PCDHGA4: variants seen among roughly 807,000 people sequenced by gnomAD.
The protein encoded by PCDHGA4 is protocadherin gamma-A4.
Under a neutral mutation model 54.6 loss-of-function variants are expected in PCDHGA4, and 38 were observed. That is an observed-to-expected ratio of 0.70 (90% CI 0.54 to 0.91). The LOEUF (loss-of-function observed/expected upper bound fraction) is 0.91, where lower values mean the gene tolerates loss of function less well. Among genes scored for constraint, PCDHGA4 ranks in the 40% least tolerant of loss-of-function variants. The pLI is 0.00. For synonymous variants in PCDHGA4, 511 were observed against 512.9 expected, an observed-to-expected ratio of 1.00 and a Z score of 0.05; for missense variants, 1,298 against 1,220.9, an observed-to-expected ratio of 1.06 and a Z score of -0.94.
chr5:141,367,301 G>C (rs1765044425), intron 1 of PCDHGA4: 1 of 152,822 alleles, frequency 6.5e-6, no homozygotes, highest in African/African-American at 2.4e-5. Flanking sequence ...CACTTTGGGA[G>C]GCTGAGGTGG....
chr5:141,417,599 C>G (rs1036283292), intron 1 of PCDHGA4: 4 of 500,492 alleles, frequency 8.0e-6, no homozygotes, highest in African/African-American at 7.8e-5. Flanking sequence ...CTCTGGGCGC[C>G]GCCGTCGGCC....
chr5:141,362,023 C>G (rs773499284), intron 1 of PCDHGA4: 2 of 1,607,808 alleles, frequency 1.2e-6, no homozygotes. Context: ...GCGCACAGCG[C>G]GTGCCTTGGG....
intron 1 of PCDHGA4, among the ~76,000 whole-genome samples, chr5:141,472,273 G>A (rs2099275685): frequency 6.6e-6 from 1 of 152,170 alleles, no homozygotes; most frequent in South Asian, 2.1e-4. Context: ...CGGGCACAGT[G>A]GCTCACACCT....
intron 1 of PCDHGA4, chr5:141,384,751 G>T (rs1403362361): frequency 1.2e-6 from 2 of 1,614,050 alleles, no homozygotes; most frequent in East Asian, 4.5e-5. Flanking sequence ...AGGACTCTTT[G>T]CGGTTGGGCT....
rs2099725414 is a variant in PCDHGA4, at chr5:141,491,703, GA to G, written c.2515-3103del. On this transcript the variant is annotated intron_variant, in intron 1 of 3. Coordinates refer to ENST00000571252, the MANE Select transcript of PCDHGA4 (RefSeq NM_018917.4). The surrounding 1 kb of genome is among the most constrained non-coding windows in gnomAD (Gnocchi z 6.9). ...ATACGCTGCGGGAGCGGAGCCAGGT[GA>G]GGGGCTCGGCGCCGCCCCGGGCGAC... is the stretch of plus-strand genomic sequence containing the variant. The G allele has an allele frequency of 3.7e-6, 6 of 1,611,396 alleles. No homozygotes were observed.
intron 1 of PCDHGA4, among the ~76,000 whole-genome samples, chr5:141,435,232 G>A (rs1317217213): frequency 6.6e-6 from 1 of 152,062 alleles, no homozygotes; most frequent in Non-Finnish European, 1.5e-5. Context: ...TCAAAGTTCA[G>A]TAATTCTTTC....
intron 1 of PCDHGA4, chr5:141,433,309 T>C: frequency 1.1e-6 from 1 of 901,134 alleles, no homozygotes; most frequent in Admixed American, 2.7e-5. Context: ...TTATCCCACC[T>C]TTGCCTCCGG....
chr5:141,467,055 C>CTTTTT (rs1193465269), intron 1 of PCDHGA4, among the ~76,000 whole-genome samples: 1 of 134,496 alleles, frequency 7.4e-6, no homozygotes, highest in Non-Finnish European at 1.6e-5. Context: ...TCAATGTTTT[C>CTTTTT]TTTTTTTTTT....
Position 141,443,643 on chromosome 5 carries a change from A to C in PCDHGA4, c.2515-51164A>C, listed in dbSNP as rs188777289. The stretch of plus-strand genomic sequence containing the variant: ...GTGATTGTAAAAATTGATCCAGATA[A>C]TGTTAGCATAGCATTTTACTGAACT... On this transcript the variant is annotated intron_variant, in intron 1 of 3. Coordinates refer to ENST00000571252, the MANE Select transcript of PCDHGA4 (RefSeq NM_018917.4). Among the ~76,000 whole-genome samples, 238 of 152,370 alleles carry C rather than the reference A, an allele frequency of 1.6e-3. 2 individuals are homozygous for C. The highest frequency in any genetic ancestry group is 2.5e-3 in the Non-Finnish European group (169 of 68,028).
chr5:141,449,916 T>C (rs1453191109), intron 1 of PCDHGA4, among the ~76,000 whole-genome samples: 1 of 151,912 alleles, frequency 6.6e-6, no homozygotes, highest in East Asian at 1.9e-4. Context: ...CATATTTAAA[T>C]TCTACCATAC....
At chr5:141,393,542 T>A in intron 1 of PCDHGA4, 3 of 1,613,964 alleles carry the variant, frequency 1.9e-6, no homozygotes, top group Non-Finnish European at 2.5e-6. Flanking sequence ...CGGTTTTTCC[T>A]CACCCGATTT....
Position 141,372,655 on chromosome 5 carries a change from C to T in PCDHGA4, c.2514+15034C>T, listed in dbSNP as rs1424749894. 2.5e-6 allele frequency: 4 copies of T among 1,613,986 alleles called. No homozygotes were observed. The South Asian group carries it at 3.3e-5, about 13-fold the overall frequency. ...AGGACTTTGCCTTATTCCTACAATC[C>T]GTGTGCTGCCTCACATTCCTCAAAC... On this transcript the variant is annotated intron_variant, in intron 1 of 3. Coordinates refer to ENST00000571252, the MANE Select transcript of PCDHGA4 (RefSeq NM_018917.4).
At chr5:141,423,091 G>C (rs1243671863) in intron 1 of PCDHGA4, 11 of 1,613,908 alleles carry the variant, frequency 6.8e-6, no homozygotes, top group South Asian at 2.2e-5. Context: ...CGCGGTGGGG[G>C]AGCACACGGG....
intron 1 of PCDHGA4, chr5:141,364,306 G>A (rs760708821): frequency 2.6e-6 from 4 of 1,522,568 alleles, no homozygotes; most frequent in East Asian, 4.5e-5. Flanking sequence ...CCAGAACTAA[G>A]AGAAAATTGG....
chr5:141,510,898 T>G (rs1393880610), intron 3 of PCDHGA4, 49 bp from the exon 4 acceptor site: 1 of 1,613,278 alleles, frequency 6.2e-7, no homozygotes, highest in East Asian at 2.2e-5. Context: ...ACAGTGACTG[T>G]TGAGGACCCT....
In PCDHGA4 at chr5:141,432,808, C is replaced by G. The variant is rs1473886709; in HGVS notation, c.2515-61999C>G. ...TCGGCAGCCTCGAGTCTCCAGCTAA[C>G]TCTGAAACCTCAGACCTCACTCTGT... is the stretch of plus-strand genomic sequence containing the variant. On this transcript the variant is annotated intron_variant, in intron 1 of 3. Coordinates refer to ENST00000571252, the MANE Select transcript of PCDHGA4 (RefSeq NM_018917.4). This position sits in a 1 kb window ranked among gnomAD's most constrained non-coding sequence, Gnocchi z 6.0. 2 of 1,613,486 alleles carry G rather than the reference C, an allele frequency of 1.2e-6. No individual in the cohort carries two copies. Among genetic ancestry groups the G allele is most frequent in the Non-Finnish European group, 1.7e-6 (2 of 1,180,008 alleles).
intron 1 of PCDHGA4, chr5:141,399,525 C>G: frequency 6.2e-7 from 1 of 1,614,058 alleles, no homozygotes; most frequent in Non-Finnish European, 8.5e-7. Flanking sequence ...CTGGGGCCTC[C>G]ATCGCGCAAG....
rs201394036 is a variant in PCDHGA4 at position 141,385,181 on chromosome 5, C to A, written c.2514+27560C>A. On this transcript the variant is annotated intron_variant, in intron 1 of 3. Coordinates refer to ENST00000571252, the MANE Select transcript of PCDHGA4 (RefSeq NM_018917.4). ...TATTCCCATGAGGTCTCCCTCACCGCGGACTCTCGGAAGAGTCACCTGATC... is the reference window on the plus strand; with the variant it reads ...TATTCCCATGAGGTCTCCCTCACCGAGGACTCTCGGAAGAGTCACCTGATC... 2.3e-4 allele frequency: 371 copies of A among 1,614,202 alleles called. 1 individual carries two copies. The highest frequency in any genetic ancestry group is 2.9e-4 in the Non-Finnish European group (346 of 1,180,040).
intron 1 of PCDHGA4, chr5:141,383,863 C>T: frequency 6.2e-7 from 1 of 1,613,890 alleles, no homozygotes; most frequent in South Asian, 1.1e-5. Flanking sequence ...GGTTCAGGCT[C>T]AAGATGGTCC....
Sources: allele counts gnomAD v4.1 joint callset (sites outside exome capture counted in the v4.1 genomes callset), GRCh38; gene constraint gnomAD v4.1.1; non-coding constraint Gnocchi (gnomAD v3.1); transcripts MANE v1.5; gene names NCBI Gene and HGNC (gene_info 2026-07-23, HGNC 2026-07-21).